Variants in ARL8B observed in about 807,000 individuals in gnomAD.
The protein encoded by ARL8B is ARF like GTPase 8B, also known as ADP-ribosylation factor-like protein 8B.
Under a neutral mutation model 30.6 loss-of-function variants are expected in ARL8B, and 9 were observed. The ratio of observed to expected loss-of-function variants is 0.29; its 90% CI spans 0.18 to 0.51. ARL8B has a LOEUF of 0.51. Ranked by LOEUF, ARL8B falls within the 20% of genes least tolerant of loss-of-function variation. The pLI, the probability that ARL8B is intolerant of heterozygous loss-of-function variation, is 0.97. For synonymous variants in ARL8B, 74 were observed against 76.0 expected (o/e 0.97, Z 0.14); for missense variants, 130 against 227.2 (o/e 0.57, Z 2.75).
At position 5,179,503 on chromosome 3, in the gene ARL8B, A is replaced by G. The variant is rs186302873; in HGVS notation, c.*790A>G. On this transcript the variant is annotated 3_prime_UTR_variant, in exon 7 of 7. Coordinates refer to ENST00000256496, the MANE Select transcript of ARL8B (RefSeq NM_018184.3). ...TTCAGGATACTTTTTTAAGGGGTTG[A>G]GAATTGAAGATTTTCCAAAAGCGTT... The G allele has an allele frequency of 6.6e-6, 1 of 152,556 alleles. No individual in the cohort carries two copies. Among genetic ancestry groups the G allele is most frequent in the East Asian group, 1.9e-4 (1 of 5,182 alleles). 9.5% of individuals were successfully genotyped at this position (152,556 alleles called of 1,614,324 possible).
chr3:5,174,339 C>A lies in ARL8B; in HGVS notation c.441-5C>A. The A allele has an allele frequency of 1.9e-6, 3 of 1,590,342 alleles. No homozygotes were observed. The South Asian group carries it at 3.3e-5, about 18-fold the overall frequency. Reference sequence around the variant, plus strand: ...ACAGACTTATCCTTTTAATTCTTCTCATAGGAATCTGTCTGCTATTCAGGA... The same window carrying A: ...ACAGACTTATCCTTTTAATTCTTCTAATAGGAATCTGTCTGCTATTCAGGA... On this transcript the variant is annotated splice_polypyrimidine_tract_variant and splice_region_variant and intron_variant, in intron 5 of 6. Coordinates refer to ENST00000256496, the MANE Select transcript of ARL8B (RefSeq NM_018184.3).
chr3:5,123,372 T>C (rs2054200940), intron 1 of ARL8B, among the ~76,000 whole-genome samples: 1 of 152,286 alleles, frequency 6.6e-6, no homozygotes, highest in Non-Finnish European at 1.5e-5. Context: ...GCCTAGGGAA[T>C]GGGTGGAAGG....
intron 1 of ARL8B, among the ~76,000 whole-genome samples, chr3:5,123,289 A>G (rs1025985653): frequency 1.3e-5 from 2 of 152,204 alleles, no homozygotes; most frequent in African/African-American, 4.8e-5. Flanking sequence ...CCTGCGAAAG[A>G]GGAGTTGGTC....
rs559712983 is a variant in ARL8B, at chr3:5,141,167, C to A, written c.123+18579C>A. Among the ~76,000 whole-genome samples the A allele has an allele frequency of 3.9e-5, 6 of 152,314 alleles. No homozygotes were observed. In the East Asian group the frequency reaches 5.8e-4, roughly 15 times the overall value. ...GCTGACCCCTCCTCTACATTCTGTT[C>A]ACTTATCATGACCTTCTGGGTGCAT... On this transcript the variant is annotated intron_variant, in intron 1 of 6. Transcript: ENST00000256496.
At position 5,150,015 on chromosome 3, in the gene ARL8B, T is replaced by C. The variant is rs565237697; in HGVS notation, c.124-20488T>C. Among the ~76,000 whole-genome samples the C allele has an allele frequency of 2.0e-5, 3 of 152,346 alleles. 1 individual carries two copies. The highest frequency in any genetic ancestry group is 4.1e-4 in the South Asian group (2 of 4,830). On this transcript the variant is annotated intron_variant, in intron 1 of 6. Coordinates refer to ENST00000256496, the MANE Select transcript of ARL8B (RefSeq NM_018184.3). ...CTTGCTGTTAAGTATCTTATATCAT[T>C]GTACTTGTTTTAGGACAGTGTGTCA...
intron 1 of ARL8B, among the ~76,000 whole-genome samples, chr3:5,135,557 C>G (rs535518309): frequency 6.6e-6 from 1 of 151,312 alleles, no homozygotes; most frequent in South Asian, 2.1e-4. Context: ...CTCCCAGGTT[C>G]AAACGATTCT....
rs1553580545 is a variant in ARL8B, at chr3:5,150,463, A to AAAGT, written c.124-20038_124-20037insGTAA. On this transcript the variant is annotated intron_variant, in intron 1 of 6. Transcript: ENST00000256496. Reference sequence around the variant, plus strand: ...TGGTGACAGAGCGAGAATCCATGTCAAAATAAATAAATAAATAAATAAATA... The same window carrying AAAGT: ...TGGTGACAGAGCGAGAATCCATGTCAAAGTAAATAAATAAATAAATAAATAAATA... Among the ~76,000 whole-genome samples, 645 of 146,060 alleles carry AAAGT rather than the reference A, an allele frequency of 4.4e-3. 1 individual carries two copies. Among genetic ancestry groups the AAAGT allele is most frequent in the African/African-American group, 0.016 (597 of 38,132 alleles).
At position 5,174,340 on chromosome 3, in the gene ARL8B, A is replaced by C. The variant is rs371821055; in HGVS notation, c.441-4A>C. ...CAGACTTATCCTTTTAATTCTTCTC[A>C]TAGGAATCTGTCTGCTATTCAGGAT... On this transcript the variant is annotated splice_polypyrimidine_tract_variant and splice_region_variant and intron_variant, in intron 5 of 6. Coordinates refer to ENST00000256496, the MANE Select transcript of ARL8B (RefSeq NM_018184.3). 46 of 1,593,464 alleles carry C rather than the reference A, an allele frequency of 2.9e-5. No homozygotes were observed. Among genetic ancestry groups the C allele is most frequent in the Non-Finnish European group, 3.8e-5 (44 of 1,161,684 alleles).
chr3:5,155,501 A>C (rs1267586362), intron 1 of ARL8B, among the ~76,000 whole-genome samples: 2 of 151,934 alleles, frequency 1.3e-5, no homozygotes, highest in African/African-American at 4.8e-5. Flanking sequence ...GCCTCCTATT[A>C]TCTGTCTTCT....
chr3:5,171,960 C>T (rs563667672), intron 2 of ARL8B, among the ~76,000 whole-genome samples, 190 bp from the exon 3 acceptor site: 6 of 152,182 alleles, frequency 3.9e-5, no homozygotes, highest in Non-Finnish European at 7.3e-5. Context: ...ATACGGACTT[C>T]AAGTTTAGAA....
chr3:5,151,846 T>C (rs1207735952), intron 1 of ARL8B, among the ~76,000 whole-genome samples: 1 of 150,516 alleles, frequency 6.6e-6, no homozygotes, highest in East Asian at 2.0e-4. Flanking sequence ...AGCCTCAGCC[T>C]CTTGAGTACC....
chr3:5,159,369 G>A (rs6787725), intron 1 of ARL8B, among the ~76,000 whole-genome samples: 61,095 of 148,344 alleles, frequency 0.41, 14,051 homozygotes, highest in African/African-American at 0.64. Flanking sequence ...TTGGGAGGCC[G>A]AGGTGGGTGG....
intron 3 of ARL8B, among the ~76,000 whole-genome samples, 192 bp from the exon 4 acceptor site, chr3:5,172,455 A>T (rs1306539167): frequency 6.6e-6 from 1 of 152,240 alleles, no homozygotes; most frequent in South Asian, 2.1e-4. Context: ...ATGTTTTACT[A>T]TCATGTATTA....
chr3:5,125,695 G>C (rs138087065), intron 1 of ARL8B, among the ~76,000 whole-genome samples: 2 of 152,092 alleles, frequency 1.3e-5, no homozygotes, highest in African/African-American at 4.8e-5. Context: ...ACCATGCCCA[G>C]CTAATTTTTG....
intron 5 of ARL8B, 107 bp from the exon 6 acceptor site, chr3:5,174,237 C>A: frequency 9.3e-7 from 1 of 1,070,590 alleles, no homozygotes; most frequent in Non-Finnish European, 1.4e-6. Context: ...AGGATTGCTA[C>A]GATGATTTCT....
intron 1 of ARL8B, among the ~76,000 whole-genome samples, chr3:5,147,588 A>G (rs2054439875): frequency 6.6e-6 from 1 of 151,258 alleles, no homozygotes; most frequent in African/African-American, 2.4e-5. Flanking sequence ...TTTGAGGGGG[A>G]TTTTGATTTA....
intron 1 of ARL8B, among the ~76,000 whole-genome samples, chr3:5,142,760 G>A (rs897341826): frequency 2.6e-5 from 4 of 152,136 alleles, no homozygotes; most frequent in Non-Finnish European, 5.9e-5. Flanking sequence ...TTATTAGTTT[G>A]AGAACAAATC....
intron 3 of ARL8B, 122 bp from the exon 4 acceptor site, chr3:5,172,525 T>C (rs989431461): frequency 2.8e-6 from 2 of 714,936 alleles, no homozygotes; most frequent in Non-Finnish European, 4.7e-6. Flanking sequence ...TCTTATGACA[T>C]AGTTTATTTT....
intron 1 of ARL8B, among the ~76,000 whole-genome samples, chr3:5,129,032 T>C (rs2054257924): frequency 6.6e-6 from 1 of 152,190 alleles, no homozygotes; most frequent in Non-Finnish European, 1.5e-5. Flanking sequence ...TGTTTTCCTA[T>C]TGTACTCAAT....
Sources: allele counts gnomAD v4.1 joint callset (sites outside exome capture counted in the v4.1 genomes callset), GRCh38; gene constraint gnomAD v4.1.1; transcripts MANE v1.5; gene names NCBI Gene and HGNC (gene_info 2026-07-23, HGNC 2026-07-21).